RAB21: variants seen among roughly 807,000 people sequenced by gnomAD.
RAB21 encodes the protein ras-related protein Rab-21.
Under a neutral mutation model 33.1 loss-of-function variants are expected in RAB21, and 13 were observed. The observed-to-expected ratio is 0.39, with a 90% CI of 0.26 to 0.62. The LOEUF is 0.62. RAB21 is among the 20% of genes least tolerant of loss of function. The pLI is 0.48. For missense variants in RAB21, 234 were observed against 279.1 expected (o/e 0.84, Z 1.15); for synonymous variants, 91 against 103.7 (o/e 0.88, Z 0.74).
intron 1 of RAB21, among the ~76,000 whole-genome samples, chr12:71,757,431 T>C (rs971813927): frequency 4.6e-5 from 7 of 152,212 alleles, no homozygotes; most frequent in African/African-American, 1.7e-4. Flanking sequence ...ACTTAAAAAT[T>C]ACACTTCCAT....
Position 71,782,617 on chromosome 12 carries a change from A to G in RAB21, c.494A>G (p.Gln165Arg). 1 of 1,604,204 alleles carries G rather than the reference A, an allele frequency of 6.2e-7. No homozygotes were observed. Among genetic ancestry groups the G allele is most frequent in the Non-Finnish European group, 8.5e-7 (1 of 1,174,136 alleles). The stretch of plus-strand genomic sequence containing the variant: ...AAACATTATCATACTTCAGCCAAAC[A>G]GAACAAAGGAATTGAGGAACTCTTT... The part of the protein sequence containing the change: ...GAKHYHTSAK[Q>R]NKGIEELFLD... The change falls in exon 6 of 7, where the codon CAG (glutamine) becomes CGG (arginine). Residue 165 changes from glutamine (Q) to arginine (R), a missense_variant. Gln to Arg is a conservative substitution (Grantham distance 43). Coordinates refer to ENST00000261263, the MANE Select transcript of RAB21 (RefSeq NM_014999.4).
In RAB21 at chr12:71,773,985, G is replaced by A. The variant is rs777918433; in HGVS notation, c.354G>A (p.Arg118=). The change falls in exon 4 of 7, where the codon CGG becomes CGA. Residue 118 remains arginine (R), a synonymous_variant. Coordinates refer to ENST00000261263, the MANE Select transcript of RAB21 (RefSeq NM_014999.4). ...QKVKNWVKEL[R]KMLGNEICLC... is the part of the protein sequence containing the mutation. ...TAAAAAACTGGGTCAAAGAATTACG[G>A]AAAATGTTGGGAAATGAAATCTGTT... The A allele has an allele frequency of 1.0e-5, 16 of 1,593,902 alleles. No individual in the cohort carries two copies. The highest frequency in any genetic ancestry group is 1.3e-5 in the Non-Finnish European group (15 of 1,170,642).
chr12:71,794,431 T>TAA lies in RAB21; in HGVS notation c.*8758_*8759insAA, dbSNP rs1883436460. 8.4e-5 allele frequency: 5 copies of TAA among 59,176 alleles called. No individual in the cohort carries two copies. Among genetic ancestry groups the TAA allele is most frequent in the Non-Finnish European group, 1.1e-4 (4 of 35,980 alleles). The allele number at this position is 59,176 out of a possible 1,614,324, so 3.7% of individuals were successfully genotyped here. ...TATATATATATATATATATATATTT[T>TAA]TTTTTTTTTTTTTTTTTTTTTTTTT... is the stretch of plus-strand genomic sequence containing the variant. On this transcript the variant is annotated 3_prime_UTR_variant, in exon 7 of 7. Coordinates refer to ENST00000261263, the MANE Select transcript of RAB21 (RefSeq NM_014999.4).
chr12:71,757,246 T>TA (rs1882799196), intron 1 of RAB21, among the ~76,000 whole-genome samples: 1 of 152,132 alleles, frequency 6.6e-6, no homozygotes, highest in South Asian at 2.1e-4. Context: ...TAGCTGGGAT[T>TA]ACAGGCACAC....
chr12:71,779,479 T>A (rs988070979), intron 4 of RAB21, among the ~76,000 whole-genome samples: 1 of 151,776 alleles, frequency 6.6e-6, no homozygotes, highest in African/African-American at 2.4e-5. Context: ...AAAAAAAAAA[T>A]TACAGTTATG....
In RAB21 at chr12:71,798,832, C is replaced by G. The variant is rs1883500171; in HGVS notation, c.*13159C>G. The G allele has an allele frequency of 6.6e-6, 1 of 152,144 alleles. No individual in the cohort carries two copies. The highest frequency in any genetic ancestry group is 1.5e-5 in the Non-Finnish European group (1 of 68,024). The allele number at this position is 152,144 out of a possible 1,614,324, so 9.4% of individuals were successfully genotyped here. A position where few individuals can be genotyped will look rare whatever the true frequency, so the allele number is the denominator to read the frequency against. On this transcript the variant is annotated 3_prime_UTR_variant, in exon 7 of 7. Transcript: ENST00000261263. ...TGACAGTGAATTCTGAATTTATTTA[C>G]CCAATGTACTCTTCAAGTTGCAGAG...
At chr12:71,778,390 C>A (rs1416538364) in intron 4 of RAB21, among the ~76,000 whole-genome samples, 2 of 152,088 alleles carry the variant, frequency 1.3e-5, no homozygotes, top group Non-Finnish European at 2.9e-5. Flanking sequence ...ACATTTTTTA[C>A]TTCATTTAAG....
chr12:71,756,744 T>A (rs1882791112), intron 1 of RAB21, among the ~76,000 whole-genome samples: 1 of 152,214 alleles, frequency 6.6e-6, no homozygotes, highest in Non-Finnish European at 1.5e-5. Flanking sequence ...CCTAGGATCA[T>A]TTGGAAGTTT....
At chr12:71,776,735 A>G (rs921060556) in intron 4 of RAB21, among the ~76,000 whole-genome samples, 1 of 151,894 alleles carries the variant, frequency 6.6e-6, no homozygotes, top group Non-Finnish European at 1.5e-5. Context: ...AAGAATTCTG[A>G]GAGCTTATTT....
intron 3 of RAB21, among the ~76,000 whole-genome samples, chr12:71,772,985 A>G (rs980896872): frequency 4.6e-5 from 7 of 152,242 alleles, no homozygotes; most frequent in African/African-American, 1.7e-4. Flanking sequence ...GTAAGTGGTT[A>G]CCACATAGCT....
Position 71,792,490 on chromosome 12 carries a change from A to C in RAB21, c.*6817A>C, listed in dbSNP as rs186437227. Reference sequence around the variant, plus strand: ...AGCTTCTCTGCACTGTCAAGACTATAGCTTAGCATATGTGTGCTATGACAC... The same window carrying C: ...AGCTTCTCTGCACTGTCAAGACTATCGCTTAGCATATGTGTGCTATGACAC... On this transcript the variant is annotated 3_prime_UTR_variant, in exon 7 of 7. Transcript: ENST00000261263. 1 of 152,352 alleles carries C rather than the reference A, an allele frequency of 6.6e-6. No homozygotes were observed. The highest frequency in any genetic ancestry group is 2.4e-5 in the African/African-American group (1 of 41,580). 9.4% of individuals were successfully genotyped at this position (152,352 alleles called of 1,614,324 possible). A position where few individuals can be genotyped will look rare whatever the true frequency, so the allele number is the denominator to read the frequency against.
intron 3 of RAB21, among the ~76,000 whole-genome samples, chr12:71,772,639 G>C (rs116498227): frequency 6.6e-6 from 1 of 152,124 alleles, no homozygotes; most frequent in African/African-American, 2.4e-5. Context: ...AGAGGGATAC[G>C]TAATTGGATT....
chr12:71,779,228 G>C (rs1474778202), intron 4 of RAB21, among the ~76,000 whole-genome samples: 1 of 152,190 alleles, frequency 6.6e-6, no homozygotes, highest in African/African-American at 2.4e-5. Flanking sequence ...GGGAGACCAA[G>C]GTGGGCAGAC....
chr12:71,785,162 T>TA (rs1883265302), intron 6 of RAB21, among the ~76,000 whole-genome samples: 2 of 152,220 alleles, frequency 1.3e-5, no homozygotes, highest in African/African-American at 2.4e-5. Flanking sequence ...GAATAAATCC[T>TA]GCCCCCTAAA....
Position 71,798,930 on chromosome 12 carries a change from T to C in RAB21, c.*13257T>C, listed in dbSNP as rs1411406080. On this transcript the variant is annotated 3_prime_UTR_variant, in exon 7 of 7. Coordinates refer to ENST00000261263, the MANE Select transcript of RAB21 (RefSeq NM_014999.4). ...GGGGCAGTCTGAATGCTAATTAAGT[T>C]TTCTCAACTATATGCTCTCTCCTCA... 1 of 152,214 alleles carries C rather than the reference T, an allele frequency of 6.6e-6. No homozygotes were observed. The highest frequency in any genetic ancestry group is 1.9e-4 in the East Asian group (1 of 5,204). The allele number at this position is 152,214 out of a possible 1,614,324, so 9.4% of individuals were successfully genotyped here.
chr12:71,759,403 G>T (rs144865382), intron 1 of RAB21, among the ~76,000 whole-genome samples: 9 of 152,340 alleles, frequency 5.9e-5, no homozygotes, highest in Non-Finnish European at 1.3e-4. Context: ...AGGGCCAAGT[G>T]CAAAGCTCTG....
At chr12:71,762,579 G>A (rs976409705) in intron 1 of RAB21, among the ~76,000 whole-genome samples, 8 of 151,844 alleles carry the variant, frequency 5.3e-5, no homozygotes, top group Admixed American at 3.9e-4. Context: ...TGCTGGGATA[G>A]GTTTTGTTTT....
In RAB21 at chr12:71,768,428, C is replaced by T. The variant is rs377237478; in HGVS notation, c.160-1372C>T. Among the ~76,000 whole-genome samples the T allele has an allele frequency of 6.6e-4, 100 of 152,252 alleles. 1 individual carries two copies. In the South Asian group the frequency reaches 0.021, roughly 31 times the overall value. On this transcript the variant is annotated intron_variant, in intron 1 of 6. Coordinates refer to ENST00000261263, the MANE Select transcript of RAB21 (RefSeq NM_014999.4). ...TAAATGTGACTATCTCTATACAGGT[C>T]TGAACTCAGCTCTCTATTCCTTTTT... is the stretch of plus-strand genomic sequence containing the variant.
intron 1 of RAB21, among the ~76,000 whole-genome samples, chr12:71,760,773 C>G (rs1042502387): frequency 2.4e-4 from 36 of 151,966 alleles, no homozygotes; most frequent in African/African-American, 8.0e-4. Flanking sequence ...TCAACAGTCC[C>G]CTTTCTTTTT....
Sources: gnomAD v4.1 joint callset for allele counts (sites outside exome capture counted in the v4.1 genomes callset) on GRCh38, gnomAD v4.1.1 for gene constraint, MANE v1.5 for transcripts, NCBI Gene and HGNC (gene_info 2026-07-23, HGNC 2026-07-21) for gene names.